ABCA6: variants seen among roughly 807,000 people sequenced by gnomAD.
The protein encoded by ABCA6 is ATP binding cassette subfamily A member 6.
Under a neutral mutation model 191.2 loss-of-function variants are expected in ABCA6, and 164 were observed. The observed-to-expected ratio is 0.86, with a 90% CI of 0.76 to 0.98. The LOEUF is 0.98. ABCA6 is among the 50% of genes least tolerant of loss of function. ABCA6 has a pLI of 0.00. For synonymous variants in ABCA6, 636 were observed against 647.7 expected, an observed-to-expected ratio of 0.98 and a Z score of 0.27; for missense variants, 1,958 against 1,894.1, an observed-to-expected ratio of 1.03 and a Z score of -0.63.
At chr17:69,113,970 T>G (rs2073484778) in intron 13 of ABCA6, among the ~76,000 whole-genome samples, 2 of 152,134 alleles carry the variant, frequency 1.3e-5, no homozygotes, top group South Asian at 4.1e-4. Flanking sequence ...TTGGTGGGAC[T>G]GTAAACTAGT....
intron 37 of ABCA6, 98 bp from the exon 38 acceptor site, chr17:69,079,363 T>C (rs1385435869): frequency 2.2e-6 from 2 of 927,268 alleles, no homozygotes; most frequent in East Asian, 5.5e-5. Context: ...AAATCATTAA[T>C]ATAAATAAAG....
rs184908235 is a variant in ABCA6, at chr17:69,083,444, A to G, written c.4356-113T>C. 1.9e-5 allele frequency: 20 copies of G among 1,059,638 alleles called. No individual in the cohort carries two copies. In the East Asian group the frequency reaches 4.0e-4, roughly 21 times the overall value. 65.6% of individuals were successfully genotyped at this position (1,059,638 alleles called of 1,614,324 possible). A position where few individuals can be genotyped will look rare whatever the true frequency, so the allele number is the denominator to read the frequency against. Reference sequence around the variant, plus strand: ...GATCCTAATGCAAAAAAATAGTGCAATGTAAGTACTGACTAGGTTTTTGAT... The same window carrying G: ...GATCCTAATGCAAAAAAATAGTGCAGTGTAAGTACTGACTAGGTTTTTGAT... On this transcript the variant is annotated intron_variant, in intron 34 of 38. Transcript: ENST00000284425.
chr17:69,096,929 A>T (rs528814149), intron 23 of ABCA6, 128 bp from the exon 24 acceptor site: 3 of 743,010 alleles, frequency 4.0e-6, no homozygotes, highest in Admixed American at 3.9e-5. Flanking sequence ...TATTAAAAAA[A>T]ATTATGCATA....
chr17:69,079,730 A>G (rs2072583423), intron 37 of ABCA6, among the ~76,000 whole-genome samples: 1 of 152,208 alleles, frequency 6.6e-6, no homozygotes, highest in Non-Finnish European at 1.5e-5. Flanking sequence ...TTCACCATTT[A>G]TACGCTAAGA....
rs551215842 is a variant in ABCA6 at position 69,085,281 on chromosome 17, C to A, written c.4030-99G>T. ...TATATAAGCGTCTAAATTGTTTAAG[C>A]ATCAAATAAATACTATAGAAATTAC... On this transcript the variant is annotated intron_variant, in intron 31 of 38. Transcript: ENST00000284425. 2.0e-4 allele frequency: 235 copies of A among 1,173,562 alleles called. No individual in the cohort carries two copies. The African/African-American group carries it at 3.4e-3, about 17-fold the overall frequency. 72.7% of individuals were successfully genotyped at this position (1,173,562 alleles called of 1,614,324 possible). A position where few individuals can be genotyped will look rare whatever the true frequency, so the allele number is the denominator to read the frequency against.
intron 26 of ABCA6, among the ~76,000 whole-genome samples, chr17:69,089,747 G>A (rs967996406): frequency 6.6e-6 from 1 of 152,094 alleles, no homozygotes; most frequent in Non-Finnish European, 1.5e-5. Flanking sequence ...AGTAACCTAT[G>A]TCTGTTCCTC....
chr17:69,113,100 T>G, intron 15 of ABCA6, 122 bp downstream of exon 15: 1 of 1,173,590 alleles, frequency 8.5e-7, no homozygotes, highest in Non-Finnish European at 1.1e-6. Flanking sequence ...GTCGTCCTCC[T>G]GACTGCTATA....
intron 10 of ABCA6, 41 bp downstream of exon 10, chr17:69,123,198 C>T: frequency 1.6e-6 from 2 of 1,279,746 alleles, no homozygotes; most frequent in South Asian, 4.8e-5. Context: ...AATTCTTCAG[C>T]CTTGTGCTCA....
chr17:69,090,838 A>G (rs1483789388), intron 26 of ABCA6, among the ~76,000 whole-genome samples: 1 of 152,232 alleles, frequency 6.6e-6, no homozygotes, highest in African/African-American at 2.4e-5. Context: ...ATGGCATTTG[A>G]CAATGCCTAT....
Position 69,117,968 on chromosome 17 carries a change from A to G in ABCA6, c.1437-12T>C. On this transcript the variant is annotated splice_polypyrimidine_tract_variant and intron_variant, in intron 10 of 38. Transcript: ENST00000284425. ...TAACATTTCTGATTCTGAAATAACA[A>G]AAAGGGTGCTTACTTAGCCAACACA... is the stretch of plus-strand genomic sequence containing the variant. 1 of 1,579,282 alleles carries G rather than the reference A, an allele frequency of 6.3e-7. No individual in the cohort carries two copies. The highest frequency in any genetic ancestry group is 1.4e-5 in the African/African-American group (1 of 73,814).
intron 22 of ABCA6, chr17:69,098,230 T>A: frequency 2.2e-6 from 1 of 449,532 alleles, no homozygotes; most frequent in Non-Finnish European, 3.9e-6. Context: ...ATTTAGGACC[T>A]ACTTCTGGGG....
intron 15 of ABCA6, chr17:69,112,689 A>G (rs2073450553): frequency 5.8e-6 from 1 of 171,216 alleles, no homozygotes; most frequent in Non-Finnish European, 1.2e-5. Context: ...GGAATGAGAA[A>G]TTATTTAATG....
intron 25 of ABCA6, chr17:69,095,290 C>T (rs992015889): frequency 2.1e-5 from 4 of 186,630 alleles, no homozygotes; most frequent in South Asian, 1.3e-4. Context: ...CCAGTTTTTC[C>T]GAGTAAGGTG....
At chr17:69,096,537 G>A (rs930077597) in intron 24 of ABCA6, 91 bp downstream of exon 24, 2 of 1,053,840 alleles carry the variant, frequency 1.9e-6, no homozygotes, top group African/African-American at 3.3e-5. Context: ...TACAAAATAT[G>A]AATTAAAACA....
At chr17:69,130,468 C>T (rs1358531265) in intron 6 of ABCA6, among the ~76,000 whole-genome samples, 1 of 152,060 alleles carries the variant, frequency 6.6e-6, no homozygotes, top group East Asian at 1.9e-4. Flanking sequence ...TCAATAATAT[C>T]ATATGTATGT....
intron 22 of ABCA6, among the ~76,000 whole-genome samples, chr17:69,100,320 C>A (rs1466150448): frequency 7.3e-6 from 1 of 137,218 alleles, no homozygotes; most frequent in African/African-American, 2.5e-5. Context: ...GGCTCCCTCA[C>A]AACATAGAGC....
In ABCA6 at chr17:69,078,870, CTGA is replaced by C; in HGVS notation, c.*100_*102del. 1 of 647,902 alleles carries C rather than the reference CTGA, an allele frequency of 1.5e-6. No individual in the cohort carries two copies. The highest frequency in any genetic ancestry group is 2.4e-6 in the Non-Finnish European group (1 of 413,066). 40.1% of individuals were successfully genotyped at this position (647,902 alleles called of 1,614,324 possible). On this transcript the variant is annotated 3_prime_UTR_variant, in exon 39 of 39. Coordinates refer to ENST00000284425, the MANE Select transcript of ABCA6 (RefSeq NM_080284.3). ...TGTTAACTAAATTTACAAAATATAC[CTGA>C]TGTTAATTTTAAATGATCTTTAAAA...
chr17:69,106,912 G>A (rs1378766337), intron 18 of ABCA6, among the ~76,000 whole-genome samples: 2 of 152,064 alleles, frequency 1.3e-5, no homozygotes, highest in Admixed American at 1.3e-4. Flanking sequence ...ATCTCATTGT[G>A]CCCAATCTTT....
In ABCA6 at chr17:69,138,082, C is replaced by T. The variant is rs531131843; in HGVS notation, c.97-582G>A. On this transcript the variant is annotated intron_variant, in intron 2 of 38. Transcript: ENST00000284425. ...AGTGATATGCACTACTTCCAGGCCT[C>T]GTTCATGGACATATACAACTTTCTA... 4.6e-5 allele frequency among the ~76,000 whole-genome samples: 7 copies of T among 152,256 alleles called. No homozygotes were observed. The South Asian group carries it at 1.2e-3, about 27-fold the overall frequency.
Sources: gnomAD v4.1 joint callset for allele counts (sites outside exome capture counted in the v4.1 genomes callset) on GRCh38, gnomAD v4.1.1 for gene constraint, MANE v1.5 for transcripts, NCBI Gene and HGNC (gene_info 2026-07-23, HGNC 2026-07-21) for gene names.